ACTR3C: variants seen among roughly 807,000 people sequenced by gnomAD.
ACTR3C encodes actin-related protein 3C.
Under a neutral mutation model 26.3 loss-of-function variants are expected in ACTR3C, and 18 were observed. The ratio of observed to expected loss-of-function variants is 0.68; its 90% CI spans 0.47 to 1.01. The LOEUF (loss-of-function observed/expected upper bound fraction) is 1.01, where lower values mean the gene tolerates loss of function less well. ACTR3C is among the 50% of genes least tolerant of loss of function. The probability of loss-of-function intolerance (pLI) is 0.00; values close to 1 mark genes in which losing one functional copy is unlikely to be tolerated. For missense variants in ACTR3C, 184 were observed against 250.7 expected (o/e 0.73, Z 1.80); for synonymous variants, 55 against 94.5 (o/e 0.58, Z 2.42).
Position 150,301,001 on chromosome 7 carries a change from G to A in ACTR3C, c.-51-5654C>T, listed in dbSNP as rs547033466. ...GCTACCTCCTATCGATCTGAAAAGC[G>A]GGCCTAATAACATCACCTATCTCAG... On this transcript the variant is annotated intron_variant, in intron 1 of 7. Transcript: ENST00000683684. Among the ~76,000 whole-genome samples, 22 of 152,148 alleles carry A rather than the reference G, an allele frequency of 1.4e-4. No homozygotes were observed. The South Asian group carries it at 4.4e-3, about 30-fold the overall frequency.
At chr7:150,002,015 G>C in the ACTR3C span, 3 of 152,252 alleles carry the variant, frequency 2.0e-5, no homozygotes, top group African/African-American at 7.2e-5. Context: ...GAAGGCATAG[G>C]CTCACCAGCT....
the ACTR3C span, among the ~76,000 whole-genome samples, chr7:149,909,136 A>G: frequency 6.6e-6 from 1 of 151,714 alleles, no homozygotes; most frequent in South Asian, 2.1e-4. Flanking sequence ...TACAGGAAAT[A>G]AAGAGTGAGT....
At chr7:150,180,656 G>C in the ACTR3C span, among the ~76,000 whole-genome samples, 2 of 148,618 alleles carry the variant, frequency 1.3e-5, no homozygotes, top group Non-Finnish European at 2.9e-5. Context: ...GGGACTACAG[G>C]CGCGCGCCAC....
the ACTR3C span, among the ~76,000 whole-genome samples, chr7:150,110,499 G>C: frequency 7.2e-3 from 653 of 91,194 alleles, 15 homozygotes; most frequent in East Asian, 0.028. Flanking sequence ...CTGGCTGGAG[G>C]AGGTGGGGCT....
chr7:149,886,069 G>A, the ACTR3C span, among the ~76,000 whole-genome samples: 1 of 152,208 alleles, frequency 6.6e-6, no homozygotes, highest in Non-Finnish European at 1.5e-5. Context: ...TGAGATAATG[G>A]ACTAAAGTGC....
At chr7:150,271,295 C>T (rs1413468918) in intron 6 of ACTR3C, among the ~76,000 whole-genome samples, 2 of 148,020 alleles carry the variant, frequency 1.4e-5, no homozygotes, top group African/African-American at 2.6e-5. Flanking sequence ...CCCACCAACC[C>T]GTCATCTACA....
the ACTR3C span, among the ~76,000 whole-genome samples, chr7:150,113,986 C>T: frequency 5.9e-5 from 9 of 152,256 alleles, no homozygotes; most frequent in Non-Finnish European, 1.2e-4. Context: ...ATGGAGAAGA[C>T]ATCAACATTT....
the ACTR3C span, among the ~76,000 whole-genome samples, chr7:150,208,712 G>A: frequency 6.6e-6 from 1 of 152,008 alleles, no homozygotes; most frequent in Non-Finnish European, 1.5e-5. Flanking sequence ...AGGAATATTC[G>A]AATATCCAGC....
the ACTR3C span, among the ~76,000 whole-genome samples, chr7:150,023,156 GAT>G: frequency 1.4e-5 from 1 of 70,060 alleles, no homozygotes; most frequent in Non-Finnish European, 3.5e-5. Flanking sequence ...TATCTATATA[GAT>G]ATCTATATAG....
At chr7:149,912,365 C>T in the ACTR3C span, among the ~76,000 whole-genome samples, 5 of 151,972 alleles carry the variant, frequency 3.3e-5, no homozygotes, top group Admixed American at 2.0e-4. Context: ...TGTTCAGATT[C>T]TTAAGTCACA....
intron 6 of ACTR3C, among the ~76,000 whole-genome samples, chr7:150,252,599 G>A (rs1162606505): frequency 6.6e-6 from 1 of 152,146 alleles, no homozygotes; most frequent in Non-Finnish European, 1.5e-5. Context: ...ACATTTTAGA[G>A]TAATATGATG....
chr7:150,227,690 T>G, the ACTR3C span, among the ~76,000 whole-genome samples: 411 of 129,130 alleles, frequency 3.2e-3, 2 homozygotes, highest in East Asian at 0.012. Flanking sequence ...GTGTCTGGGT[T>G]TTTTTTTTTT....
chr7:150,019,007 C>T, the ACTR3C span, among the ~76,000 whole-genome samples: 1 of 150,264 alleles, frequency 6.7e-6, no homozygotes, highest in African/African-American at 2.5e-5. Flanking sequence ...TATTAAGCCC[C>T]TTTTCTGTGC....
the ACTR3C span, among the ~76,000 whole-genome samples, chr7:149,993,344 C>G: frequency 6.6e-5 from 10 of 152,284 alleles, no homozygotes; most frequent in Non-Finnish European, 1.0e-4. Flanking sequence ...CCCTGCGAGG[C>G]CAAGCAGGGG....
chr7:150,042,359 A>T, the ACTR3C span, among the ~76,000 whole-genome samples: 133 of 78,678 alleles, frequency 1.7e-3, no homozygotes, highest in African/African-American at 4.4e-3. Flanking sequence ...CTCCGCCCCC[A>T]GCGATGGGGG....
chr7:150,241,944 G>A (rs1348514682), downstream of ACTR3C, among the ~76,000 whole-genome samples: 4 of 152,090 alleles, frequency 2.6e-5, no homozygotes, highest in Admixed American at 6.5e-5. Flanking sequence ...GTGGCCAGGC[G>A]CGGTGGCTCA....
the ACTR3C span, among the ~76,000 whole-genome samples, chr7:150,039,010 G>GGA: frequency 9.4e-6 from 1 of 105,944 alleles, no homozygotes; most frequent in African/African-American, 3.3e-5. Context: ...GGGGGGCGGG[G>GGA]AAGAGGGTCT....
chr7:149,951,345 T>C, the ACTR3C span, among the ~76,000 whole-genome samples: 2 of 145,606 alleles, frequency 1.4e-5, no homozygotes, highest in Non-Finnish European at 2.9e-5. Flanking sequence ...TGTAAGACAA[T>C]GCAAATGCAT....
At chr7:149,933,789 C>T in the ACTR3C span, among the ~76,000 whole-genome samples, 60 of 152,252 alleles carry the variant, frequency 3.9e-4, no homozygotes, top group African/African-American at 1.4e-3. Context: ...TAGAGTTCCA[C>T]TCAACACTAG....
Sources: allele counts gnomAD v4.1 joint callset (sites outside exome capture counted in the v4.1 genomes callset), GRCh38; gene constraint gnomAD v4.1.1; transcripts MANE v1.5; gene names NCBI Gene and HGNC (gene_info 2026-07-23, HGNC 2026-07-21).